Variants in SGCZ observed in about 807,000 individuals in gnomAD.
SGCZ encodes sarcoglycan zeta.
In SGCZ, 40 loss-of-function variants were observed where a neutral mutation model predicts 41.3. The ratio of observed to expected loss-of-function variants is 0.97; its 90% CI spans 0.75 to 1.26. The LOEUF (loss-of-function observed/expected upper bound fraction) is 1.26. SGCZ is among the 50% of genes most tolerant of loss of function. The pLI, the probability that SGCZ is intolerant of heterozygous loss-of-function variation, is 0.00. For missense variants in SGCZ, 552 were observed against 369.8 expected, an observed-to-expected ratio of 1.49 and a Z score of -4.04; for synonymous variants, 206 against 137.5, an observed-to-expected ratio of 1.50 and a Z score of -3.49.
intron 2 of SGCZ, among the ~76,000 whole-genome samples, chr8:14,532,849 T>C (rs1311065587): frequency 6.6e-6 from 1 of 151,784 alleles, no homozygotes; most frequent in East Asian, 1.9e-4. Context: ...GATAGAACTC[T>C]CTTTCATTCT....
At chr8:14,811,518 CTTTTTTTTTTTTT>C (rs71209087) in intron 1 of SGCZ, among the ~76,000 whole-genome samples, 11 of 49,748 alleles carry the variant, frequency 2.2e-4, no homozygotes, top group South Asian at 1.9e-3. Flanking sequence ...GACACTGCAT[CTTTTTTTTTTTTT>C]TTTTTTTTTT....
chr8:14,608,292 G>A (rs554505606), intron 1 of SGCZ, among the ~76,000 whole-genome samples: 2 of 151,674 alleles, frequency 1.3e-5, no homozygotes, highest in South Asian at 4.2e-4. Context: ...AAATACAAGT[G>A]TATTTGTTTG....
chr8:14,716,275 G>A (rs1239479221), intron 1 of SGCZ, among the ~76,000 whole-genome samples: 1 of 151,902 alleles, frequency 6.6e-6, no homozygotes, highest in Non-Finnish European at 1.5e-5. Flanking sequence ...TGTTAGACTA[G>A]AAGAGAAAAA....
intron 1 of SGCZ, among the ~76,000 whole-genome samples, chr8:14,825,573 T>C (rs1014410314): frequency 1.3e-5 from 2 of 152,212 alleles, no homozygotes; most frequent in African/African-American, 4.8e-5. Flanking sequence ...ATTTTATACA[T>C]GTATACATTG....
intron 1 of SGCZ, among the ~76,000 whole-genome samples, chr8:14,810,758 A>G (rs1402285369): frequency 6.6e-6 from 1 of 152,016 alleles, no homozygotes; most frequent in Non-Finnish European, 1.5e-5. Context: ...CACAACAGAA[A>G]TTGGTAAACA....
intron 1 of SGCZ, among the ~76,000 whole-genome samples, chr8:14,685,770 A>G (rs1358549495): frequency 6.6e-6 from 1 of 152,166 alleles, no homozygotes; most frequent in Non-Finnish European, 1.5e-5. Context: ...CTATTTAAAT[A>G]TTACAGATGA....
Position 15,237,684 on chromosome 8 carries a change from C to G in SGCZ, c.-61G>C. On this transcript the variant is annotated 5_prime_UTR_variant, in exon 1 of 8. Coordinates refer to ENST00000382080, the MANE Select transcript of SGCZ (RefSeq NM_139167.4). Reference sequence around the variant, plus strand: ...GAGTGGCACCCAAAAACAATCTAGTCTTTTAGTTTCCAGCTTAAACTCAGC... The same window carrying G: ...GAGTGGCACCCAAAAACAATCTAGTGTTTTAGTTTCCAGCTTAAACTCAGC... 6.5e-7 allele frequency: 1 copy of G among 1,540,042 alleles called. No homozygotes were observed. Among genetic ancestry groups the G allele is most frequent in the Non-Finnish European group, 8.8e-7 (1 of 1,135,668 alleles).
chr8:14,402,534 A>C (rs979897978), intron 2 of SGCZ, among the ~76,000 whole-genome samples: 19 of 148,468 alleles, frequency 1.3e-4, no homozygotes, highest in Non-Finnish European at 2.1e-4. Context: ...AGCACCATTT[A>C]TTAAATAGGG....
intron 1 of SGCZ, among the ~76,000 whole-genome samples, chr8:15,165,724 T>C (rs1284825715): frequency 6.6e-6 from 1 of 152,202 alleles, no homozygotes; most frequent in East Asian, 1.9e-4. Context: ...GGTATGGAAA[T>C]GTAACCTTTT....
At chr8:15,056,543 C>CA (rs75954139) in intron 1 of SGCZ, among the ~76,000 whole-genome samples, 6,182 of 126,648 alleles carry the variant, frequency 0.049, 134 homozygotes, top group Non-Finnish European at 0.064. Flanking sequence ...TGTAGGTGAG[C>CA]AAAAAAAAAA....
At chr8:14,296,398 T>C (rs916479712) in intron 3 of SGCZ, among the ~76,000 whole-genome samples, 16 of 152,162 alleles carry the variant, frequency 1.1e-4, no homozygotes, top group African/African-American at 3.6e-4. Flanking sequence ...GAGAAATACA[T>C]GGAGGTTTGG....
intron 1 of SGCZ, among the ~76,000 whole-genome samples, chr8:14,699,455 C>CAA (rs914019624): frequency 2.0e-5 from 3 of 151,608 alleles, no homozygotes; most frequent in African/African-American, 7.3e-5. Context: ...TTACCATATG[C>CAA]AAAAATGTAC....
chr8:14,816,003 T>C (rs552178777), intron 1 of SGCZ, among the ~76,000 whole-genome samples: 49 of 152,336 alleles, frequency 3.2e-4, no homozygotes, highest in African/African-American at 1.1e-3. Context: ...TTCAAATCAC[T>C]TTTTAAAAAA....
intron 2 of SGCZ, among the ~76,000 whole-genome samples, chr8:14,326,793 T>C (rs1802133773): frequency 6.6e-6 from 1 of 152,166 alleles, no homozygotes; most frequent in Non-Finnish European, 1.5e-5. Context: ...TCCTCTTACA[T>C]TTTCAAAAAT....
intron 3 of SGCZ, among the ~76,000 whole-genome samples, chr8:14,292,605 A>T (rs2116948983): frequency 6.6e-6 from 1 of 152,152 alleles, no homozygotes; most frequent in Non-Finnish European, 1.5e-5. Flanking sequence ...TATATGCTCT[A>T]CCTATGACAA....
chr8:14,965,838 G>T (rs1345345740), intron 1 of SGCZ, among the ~76,000 whole-genome samples: 2 of 151,928 alleles, frequency 1.3e-5, no homozygotes. Context: ...ATAAACTACA[G>T]CAGGGCAAAT....
intron 1 of SGCZ, among the ~76,000 whole-genome samples, chr8:14,818,774 G>A (rs969412884): frequency 1.3e-5 from 2 of 151,758 alleles, no homozygotes; most frequent in Non-Finnish European, 2.9e-5. Context: ...ATTCTATGAA[G>A]GAAATAAAAA....
rs550708086 is a variant in SGCZ, at chr8:15,232,334, C to G, written c.39+5251G>C. 3.3e-5 allele frequency among the ~76,000 whole-genome samples: 5 copies of G among 152,078 alleles called. No homozygotes were observed. In the South Asian group the frequency reaches 1.0e-3, roughly 32 times the overall value. Reference sequence around the variant, plus strand: ...CTTAAAATATTCTTTTTTACTGGGCCTTCAACATTTGATGTATTTTCAATT... The same window carrying G: ...CTTAAAATATTCTTTTTTACTGGGCGTTCAACATTTGATGTATTTTCAATT... On this transcript the variant is annotated intron_variant, in intron 1 of 7. Transcript: ENST00000382080.
chr8:14,560,437 G>A (rs945554470), intron 1 of SGCZ, among the ~76,000 whole-genome samples: 12 of 151,918 alleles, frequency 7.9e-5, no homozygotes, highest in African/African-American at 2.2e-4. Flanking sequence ...AAGGAGGAGC[G>A]GAGAAGGGGA....
Sources: gnomAD v4.1 joint callset for allele counts (sites outside exome capture counted in the v4.1 genomes callset) on GRCh38, gnomAD v4.1.1 for gene constraint, MANE v1.5 for transcripts, NCBI Gene and HGNC (gene_info 2026-07-23, HGNC 2026-07-21) for gene names.